The following GCSH variants were observed in gnomAD, a reference collection of about 807,000 sequenced individuals.
GCSH encodes the protein glycine cleavage system H protein, mitochondrial.
Under a neutral mutation model 21.3 loss-of-function variants are expected in GCSH, and 15 were observed. The observed-to-expected ratio is 0.70, with a 90% CI of 0.47 to 1.08. GCSH has a LOEUF of 1.08. GCSH is among the 50% of genes least tolerant of loss of function. The probability of loss-of-function intolerance (pLI) is 0.00; values close to 1 mark genes in which losing one functional copy is unlikely to be tolerated. For missense variants in GCSH, 179 were observed against 217.5 expected (o/e 0.82, Z 1.11); for synonymous variants, 59 against 84.5 (o/e 0.70, Z 1.66).
chr16:81,085,742 C>T (rs559015220), intron 3 of GCSH, among the ~76,000 whole-genome samples: 1 of 152,164 alleles, frequency 6.6e-6, no homozygotes, highest in Non-Finnish European at 1.5e-5. Flanking sequence ...CGCCTATAAT[C>T]CCAGCTACTT....
chr16:81,090,570 C>G (rs1236213069), intron 2 of GCSH, 31 bp downstream of exon 2: 1 of 1,414,702 alleles, frequency 7.1e-7, no homozygotes, highest in East Asian at 2.3e-5. Context: ...CAAGAGCACA[C>G]TGGGACAAAT....
intron 2 of GCSH, among the ~76,000 whole-genome samples, chr16:81,089,675 C>A (rs201198272): frequency 2.0e-5 from 3 of 152,218 alleles, no homozygotes; most frequent in Non-Finnish European, 2.9e-5. Context: ...TAACATCCCC[C>A]CTTCCCCGCC....
At chr16:81,084,712 T>A (rs936092408) in intron 3 of GCSH, 118 bp from the exon 4 acceptor site, 6 of 26,490 alleles carry the variant, frequency 2.3e-4, no homozygotes, top group Non-Finnish European at 4.6e-4. Flanking sequence ...TCCAAATTTC[T>A]TTTTTTTTTT....
At chr16:81,084,336 G>GA (rs1972228342) in intron 4 of GCSH, 127 bp downstream of exon 4, 1 of 779,552 alleles carries the variant, frequency 1.3e-6, no homozygotes, top group African/African-American at 1.7e-5. Flanking sequence ...TTTTAAAGCA[G>GA]AACATCTCTA....
At chr16:81,095,348 T>C (rs918610962) in intron 1 of GCSH, among the ~76,000 whole-genome samples, 1 of 151,170 alleles carries the variant, frequency 6.6e-6, no homozygotes, top group East Asian at 1.9e-4. Context: ...TTGTTTTATC[T>C]AGTAAAAAAA....
intron 2 of GCSH, among the ~76,000 whole-genome samples, chr16:81,089,313 C>T (rs917330963): frequency 3.3e-5 from 5 of 152,158 alleles, no homozygotes; most frequent in Non-Finnish European, 7.3e-5. Flanking sequence ...CCAAAACGCT[C>T]CAATGAGCAT....
At chr16:81,085,825 A>C (rs1031532345) in intron 3 of GCSH, among the ~76,000 whole-genome samples, 9 of 152,282 alleles carry the variant, frequency 5.9e-5, no homozygotes, top group African/African-American at 2.2e-4. Context: ...ATGCCATTGC[A>C]GTCCAGCCTT....
At chr16:81,086,528 G>C (rs148780046) in intron 3 of GCSH, among the ~76,000 whole-genome samples, 4,049 of 152,022 alleles carry the variant, frequency 0.027, 146 homozygotes, top group African/African-American at 0.086. Context: ...TCGCATTCCA[G>C]CCTGGGCAAC....
At position 81,087,632 on chromosome 16, in the gene GCSH, G is replaced by T; in HGVS notation, c.261C>A (p.Leu87=). 1 of 1,612,020 alleles carries T rather than the reference G, an allele frequency of 6.2e-7. No individual in the cohort carries two copies. Among genetic ancestry groups the T allele is most frequent in the Non-Finnish European group, 8.5e-7 (1 of 1,178,588 alleles). The change falls in exon 3 of 5, where the codon CTC becomes CTA. Residue 87 remains leucine, a synonymous_variant. Transcript: ENST00000315467. ...TGTTCAATTTTGTCCCAACTTCAGG[G>T]AGACTACAATAAACAACATCTCCCA... is the stretch of plus-strand genomic sequence containing the variant. ...EALGDVVYCS[L]PEVGTKLNKQ... is the part of the protein sequence containing the mutation.
In GCSH at chr16:81,087,662, T is replaced by G. The variant is rs1236344907; in HGVS notation, c.231A>C (p.Glu77Asp). ...TACAATAAACAACATCTCCCAACGC[T>G]TCCTAAATAAAACAAGACAAAACCA... ...GTVGISNFAQEALGDVVYCSL... is the reference protein window; with the variant it reads ...GTVGISNFAQDALGDVVYCSL... Residue 77 changes from glutamate to aspartate, a missense_variant and splice_region_variant, in exon 3 of 5, where the codon GAA becomes GAC. Coordinates refer to ENST00000315467, the MANE Select transcript of GCSH (RefSeq NM_004483.5). The G allele has an allele frequency of 2.5e-6, 4 of 1,610,888 alleles. No individual in the cohort carries two copies. Among genetic ancestry groups the G allele is most frequent in the Admixed American group, 1.7e-5 (1 of 59,970 alleles).
Position 81,082,016 on chromosome 16 carries a change from T to C in GCSH, c.*850A>G, listed in dbSNP as rs1567585535. ...CTTAAGTGGAAACCTGAACGTGGTTTAACAACTTAAAAACACCATGTGCTA... is the reference window on the plus strand; with the variant it reads ...CTTAAGTGGAAACCTGAACGTGGTTCAACAACTTAAAAACACCATGTGCTA... On this transcript the variant is annotated 3_prime_UTR_variant, in exon 5 of 5. Coordinates refer to ENST00000315467, the MANE Select transcript of GCSH (RefSeq NM_004483.5). 1 of 453,870 alleles carries C rather than the reference T, an allele frequency of 2.2e-6. No individual in the cohort carries two copies. Among genetic ancestry groups the C allele is most frequent in the Admixed American group, 2.3e-5 (1 of 42,554 alleles). The allele number at this position is 453,870 out of a possible 1,614,324, so 28.1% of individuals were successfully genotyped here. A position where few individuals can be genotyped will look rare whatever the true frequency, so the allele number is the denominator to read the frequency against.
intron 2 of GCSH, among the ~76,000 whole-genome samples, chr16:81,089,198 T>C (rs1053613834): frequency 2.6e-5 from 4 of 152,184 alleles, no homozygotes; most frequent in African/African-American, 9.7e-5. Context: ...ATAGTTAGTA[T>C]CACTTGTCCA....
At chr16:81,092,752 AAAC>A (rs1381961467) in intron 1 of GCSH, among the ~76,000 whole-genome samples, 2,914 of 148,874 alleles carry the variant, frequency 0.02, 85 homozygotes, top group African/African-American at 0.065. Flanking sequence ...CAAAAAAAAC[AAAC>A]AAAAAAAATC....
chr16:81,096,008 T>A (rs1047288398), intron 1 of GCSH, 123 bp downstream of exon 1: 18 of 795,696 alleles, frequency 2.3e-5, no homozygotes, highest in Admixed American at 4.4e-5. Context: ...GGGGGCAGGG[T>A]CCGCGCTCGC....
chr16:81,087,458 A>C (rs1374954279), intron 3 of GCSH, 143 bp downstream of exon 3: 4 of 697,954 alleles, frequency 5.7e-6, no homozygotes, highest in Middle Eastern at 3.7e-4. Flanking sequence ...AGATGGTGCC[A>C]CTGCACTCCA....
At chr16:81,087,499 A>G (rs1972307555) in intron 3 of GCSH, 102 bp downstream of exon 3, 19 of 859,712 alleles carry the variant, frequency 2.2e-5, no homozygotes, top group Non-Finnish European at 3.2e-5. Flanking sequence ...CTGTCTCCAA[A>G]AAAAAAAAAG....
At chr16:81,089,472 T>C (rs559867377) in intron 2 of GCSH, among the ~76,000 whole-genome samples, 25 of 152,318 alleles carry the variant, frequency 1.6e-4, no homozygotes, top group African/African-American at 5.3e-4. Flanking sequence ...CAGTATTCAG[T>C]ACAGTAACAT....
intron 2 of GCSH, among the ~76,000 whole-genome samples, chr16:81,088,754 A>T (rs1972334252): frequency 6.6e-6 from 1 of 152,122 alleles, no homozygotes; most frequent in African/African-American, 2.4e-5. Flanking sequence ...CCACCTCTGT[A>T]GTTTTATGTA....
intron 1 of GCSH, among the ~76,000 whole-genome samples, chr16:81,094,511 G>T (rs1329391746): frequency 6.8e-6 from 1 of 147,164 alleles, no homozygotes; most frequent in South Asian, 2.1e-4. Context: ...TCTCAAAAAA[G>T]AAGAAAAAAA....
Sources: gnomAD v4.1 joint callset for allele counts (sites outside exome capture counted in the v4.1 genomes callset) on GRCh38, gnomAD v4.1.1 for gene constraint, MANE v1.5 for transcripts, NCBI Gene and HGNC (gene_info 2026-07-23, HGNC 2026-07-21) for gene names.